The following ARHGEF6 variants were observed in gnomAD, a reference collection of about 807,000 sequenced individuals.
The protein encoded by ARHGEF6 is rho guanine nucleotide exchange factor 6.
In ARHGEF6, 9 loss-of-function variants were observed where a neutral mutation model predicts 70.3. The observed-to-expected ratio is 0.13, with a 90% CI of 0.08 to 0.22. The LOEUF is 0.22. Among genes scored for constraint, ARHGEF6 ranks in the 10% least tolerant of loss-of-function variants. The pLI is 1.00. For synonymous variants in ARHGEF6, 201 were observed against 207.8 expected (o/e 0.97, Z 0.28); for missense variants, 470 against 563.0 (o/e 0.83, Z 1.67).
intron 5 of ARHGEF6, among the ~76,000 whole-genome samples, chrX:136,736,618 GGTGTGTGTGTGTGT>G (rs1556295145): frequency 6.7e-5 from 7 of 103,739 alleles, no homozygotes; most frequent in Non-Finnish European, 1.2e-4. Flanking sequence ...GTTAAAAAGA[GGTGTGTGTGTGTGT>G]GTGTGTGTGT....
chrX:136,716,735 A>AGATGGATAT (rs2076740812), intron 6 of ARHGEF6, among the ~76,000 whole-genome samples: 1 of 112,408 alleles, frequency 8.9e-6, no homozygotes, highest in Non-Finnish European at 1.9e-5. Context: ...GTGCAAGAAT[A>AGATGGATAT]GATGGATATT....
chrX:136,778,173 A>G (rs1002681352), intron 2 of ARHGEF6, among the ~76,000 whole-genome samples: 1 of 111,694 alleles, frequency 9.0e-6, no homozygotes, highest in African/African-American at 3.3e-5. Context: ...CACGAGTCCT[A>G]TGAATTCGGT....
chrX:136,735,787 G>A (rs2076979294), intron 5 of ARHGEF6, among the ~76,000 whole-genome samples: 1 of 111,647 alleles, frequency 9.0e-6, no homozygotes, highest in Non-Finnish European at 1.9e-5. Flanking sequence ...GAAATCTAGT[G>A]ACAAATAGTC....
intron 7 of ARHGEF6, among the ~76,000 whole-genome samples, chrX:136,712,265 C>A (rs760858707): frequency 9.0e-6 from 1 of 111,248 alleles, no homozygotes; most frequent in Non-Finnish European, 1.9e-5. Context: ...TGCACTACCA[C>A]GCCCGGCTAA....
chrX:136,699,954 A>C (rs763364419), intron 9 of ARHGEF6, among the ~76,000 whole-genome samples: 1 of 111,397 alleles, frequency 9.0e-6, no homozygotes, highest in East Asian at 2.8e-4. Context: ...GCCAAGTCTT[A>C]TCTGACCTGA....
At chrX:136,721,805 T>C (rs764765541) in intron 6 of ARHGEF6, among the ~76,000 whole-genome samples, 9 of 111,133 alleles carry the variant, frequency 8.1e-5, no homozygotes, top group Non-Finnish European at 1.3e-4. Context: ...TGGGATGATG[T>C]TGATCAAGGG....
At chrX:136,728,272 A>C (rs762273532) in intron 6 of ARHGEF6, among the ~76,000 whole-genome samples, 11 of 111,279 alleles carry the variant, frequency 9.9e-5, no homozygotes, top group Admixed American at 1.9e-4. Context: ...TTCCTATTCA[A>C]AACAACAAGC....
At chrX:136,750,958 A>T in intron 2 of ARHGEF6, among the ~76,000 whole-genome samples, 2 of 109,983 alleles carry the variant, frequency 1.8e-5, no homozygotes, top group Middle Eastern at 4.7e-3. Context: ...ACCTGCCACC[A>T]TGCCCGGCTA....
chrX:136,767,834 G>A (rs2077333160), intron 2 of ARHGEF6: 2 of 706,036 alleles, frequency 2.8e-6, no homozygotes, highest in Non-Finnish European at 3.3e-6. Context: ...CAGCGGCGCA[G>A]GCAGAGCAGC....
chrX:136,778,165 C>T (rs749220256), intron 2 of ARHGEF6, among the ~76,000 whole-genome samples: 14 of 111,381 alleles, frequency 1.3e-4, no homozygotes, highest in African/African-American at 4.3e-4. Flanking sequence ...AAAGGTCACA[C>T]GAGTCCTATG....
intron 2 of ARHGEF6, among the ~76,000 whole-genome samples, chrX:136,766,586 T>C (rs2077316778): frequency 8.9e-6 from 1 of 112,280 alleles, no homozygotes; most frequent in African/African-American, 3.2e-5. Context: ...AGAGATAAAC[T>C]TGAGGGCTCT....
At chrX:136,708,011 A>T (rs1361693070) in intron 8 of ARHGEF6, among the ~76,000 whole-genome samples, 1 of 112,025 alleles carries the variant, frequency 8.9e-6, no homozygotes, top group Non-Finnish European at 1.9e-5. Context: ...GTGTGTTTCA[A>T]CTCTTAATAT....
intron 2 of ARHGEF6, among the ~76,000 whole-genome samples, chrX:136,772,274 G>A (rs1015745065): frequency 8.9e-6 from 1 of 111,981 alleles, no homozygotes; most frequent in Admixed American, 9.4e-5. Flanking sequence ...AGTATATTGG[G>A]GAAGGAGGCA....
Position 136,771,916 on chromosome X carries a change from A to C in ARHGEF6, c.249+7498T>G, listed in dbSNP as rs776056612. Reference sequence around the variant, plus strand: ...AATCCCACTGCTGGGTATGTTACCCAAAAGAAAGGAAATCAGTATATGGAA... The same window carrying C: ...AATCCCACTGCTGGGTATGTTACCCCAAAGAAAGGAAATCAGTATATGGAA... On this transcript the variant is annotated intron_variant, in intron 2 of 21. Transcript: ENST00000250617. 2.7e-5 allele frequency among the ~76,000 whole-genome samples: 3 copies of C among 112,221 alleles called. No homozygotes were observed. In the South Asian group the frequency reaches 1.1e-3, roughly 41 times the overall value.
chrX:136,731,360 T>A (rs1055820907), intron 6 of ARHGEF6, among the ~76,000 whole-genome samples: 2 of 111,630 alleles, frequency 1.8e-5, no homozygotes, highest in Non-Finnish European at 3.8e-5. Flanking sequence ...AAACTGTATT[T>A]CAGCTGAGGT....
chrX:136,771,640 G>A (rs1179408427), intron 2 of ARHGEF6, among the ~76,000 whole-genome samples: 8 of 111,908 alleles, frequency 7.1e-5, no homozygotes, highest in African/African-American at 2.6e-4. Flanking sequence ...GGAGAAAACA[G>A]GAAAAAAATT....
At chrX:136,680,062 T>C (rs755891114) in intron 15 of ARHGEF6, among the ~76,000 whole-genome samples, 2 of 112,419 alleles carry the variant, frequency 1.8e-5, no homozygotes, top group South Asian at 7.4e-4. Flanking sequence ...AGCAACTAAC[T>C]AGTAATTGGC....
At chrX:136,687,839 C>A in intron 11 of ARHGEF6, 93 bp downstream of exon 11, 1 of 760,599 alleles carries the variant, frequency 1.3e-6, no homozygotes. Flanking sequence ...ATTCTAAAGA[C>A]CTTTGTATAG....
chrX:136,752,518 C>G (rs535664762), intron 2 of ARHGEF6, among the ~76,000 whole-genome samples: 1 of 112,197 alleles, frequency 8.9e-6, no homozygotes, highest in Non-Finnish European at 1.9e-5. Flanking sequence ...GCTCTAACCA[C>G]CTGAGTTAAC....
Sources: gnomAD v4.1 joint callset for allele counts (sites outside exome capture counted in the v4.1 genomes callset) on GRCh38, gnomAD v4.1.1 for gene constraint, MANE v1.5 for transcripts, NCBI Gene and HGNC (gene_info 2026-07-23, HGNC 2026-07-21) for gene names.